ETV1: variants seen among roughly 807,000 people sequenced by gnomAD.
ETV1 encodes the protein ETS variant transcription factor 1, also known as ETS translocation variant 1.
In ETV1, 27 loss-of-function variants were observed where a neutral mutation model predicts 62.3. That is an observed-to-expected ratio of 0.43 (90% CI 0.32 to 0.60). The LOEUF is 0.60. Among genes scored for constraint, ETV1 ranks in the 20% least tolerant of loss-of-function variants. ETV1 has a pLI of 0.06. For synonymous variants in ETV1, 222 were observed against 199.6 expected (o/e 1.11, Z -0.94); for missense variants, 605 against 605.8 (o/e 1.00, Z 0.01).
At chr7:13,902,894 C>T (rs978042040) in intron 12 of ETV1, among the ~76,000 whole-genome samples, 2 of 152,094 alleles carry the variant, frequency 1.3e-5, no homozygotes, top group Non-Finnish European at 2.9e-5. Flanking sequence ...TATTAGTGGA[C>T]ATTTAAAAAC....
intron 6 of ETV1, among the ~76,000 whole-genome samples, chr7:13,960,130 C>T (rs995291766): frequency 6.6e-6 from 1 of 151,988 alleles, no homozygotes; most frequent in Non-Finnish European, 1.5e-5. Context: ...ACGGTGTTCA[C>T]CTCTTAGAGA....
chr7:13,907,947 A>T (rs1162437201), intron 11 of ETV1: 26 of 389,766 alleles, frequency 6.7e-5, no homozygotes, highest in South Asian at 5.1e-4. Context: ...GTGTATCTTC[A>T]TATCGATTTC....
chr7:13,959,927 C>CT lies in ETV1; in HGVS notation c.235+17499dup, dbSNP rs564270930. 7.5e-4 allele frequency among the ~76,000 whole-genome samples: 104 copies of CT among 138,024 alleles called. No individual in the cohort carries two copies. The Middle Eastern group carries it at 0.012, about 15-fold the overall frequency. The allele number at this position is 138,024 out of a possible 152,430, so 90.5% of individuals were successfully genotyped here. A position where few individuals can be genotyped will look rare whatever the true frequency, so the allele number is the denominator to read the frequency against. ...AAAAAAAAGATCTATTCTCTGGAACCTTTTTTTTTTTAAATTGGGAGCCAT... is the reference window on the plus strand; with the variant it reads ...AAAAAAAAGATCTATTCTCTGGAACCTTTTTTTTTTTTAAATTGGGAGCCAT... On this transcript the variant is annotated intron_variant, in intron 6 of 13. Coordinates refer to ENST00000430479, the MANE Select transcript of ETV1 (RefSeq NM_004956.5).
At chr7:13,940,657 G>A (rs1256230175) in intron 6 of ETV1, among the ~76,000 whole-genome samples, 7 of 152,054 alleles carry the variant, frequency 4.6e-5, no homozygotes, top group Admixed American at 1.3e-4. Flanking sequence ...TGTTAAGTCC[G>A]CTTTCCAAAA....
At chr7:13,957,454 C>G (rs1016783605) in intron 6 of ETV1, among the ~76,000 whole-genome samples, 2 of 152,138 alleles carry the variant, frequency 1.3e-5, no homozygotes, top group Non-Finnish European at 2.9e-5. Context: ...AATGTTTGCT[C>G]TAGATCACAA....
At chr7:13,929,113 G>A (rs373913217) in intron 9 of ETV1, among the ~76,000 whole-genome samples, 1 of 152,158 alleles carries the variant, frequency 6.6e-6, no homozygotes. Flanking sequence ...TTAAAATGTG[G>A]TTTGGGGAAT....
At chr7:13,979,204 T>G (rs1781744586) in intron 5 of ETV1, among the ~76,000 whole-genome samples, 1 of 151,966 alleles carries the variant, frequency 6.6e-6, no homozygotes, top group African/African-American at 2.4e-5. Flanking sequence ...GAAAATACAG[T>G]TTTTTGGTGA....
chr7:13,970,118 T>G (rs1416758636), intron 6 of ETV1, among the ~76,000 whole-genome samples: 4 of 150,126 alleles, frequency 2.7e-5, no homozygotes, highest in South Asian at 4.2e-4. Flanking sequence ...AAAATTAGCC[T>G]GGCGTGGTGG....
intron 5 of ETV1, among the ~76,000 whole-genome samples, chr7:13,984,681 C>G (rs1248753162): frequency 6.6e-6 from 1 of 151,912 alleles, no homozygotes; most frequent in Non-Finnish European, 1.5e-5. Flanking sequence ...ATATAAAACA[C>G]TCATGATTAA....
At position 13,900,846 on chromosome 7, in the gene ETV1, C is replaced by T. The variant is rs745764937; in HGVS notation, c.1111-7G>A. Reference sequence around the variant, plus strand: ...TGCCCCAACGTCGGGCCACCTGCCGCGAAACAGAATTACATTGTAGTGTTA... The same window carrying T: ...TGCCCCAACGTCGGGCCACCTGCCGTGAAACAGAATTACATTGTAGTGTTA... On this transcript the variant is annotated splice_polypyrimidine_tract_variant and splice_region_variant and intron_variant, in intron 12 of 13. Coordinates refer to ENST00000430479, the MANE Select transcript of ETV1 (RefSeq NM_004956.5). The T allele has an allele frequency of 4.7e-5, 75 of 1,582,760 alleles. No homozygotes were observed. The highest frequency in any genetic ancestry group is 2.4e-4 in the African/African-American group (18 of 74,416).
chr7:13,914,346 G>T (rs1409690868), intron 9 of ETV1, among the ~76,000 whole-genome samples: 5 of 152,022 alleles, frequency 3.3e-5, no homozygotes, highest in Non-Finnish European at 7.4e-5. Flanking sequence ...GGATCAAAAT[G>T]CTCTATGACA....
At chr7:13,974,594 C>T (rs1583863308) in intron 6 of ETV1, among the ~76,000 whole-genome samples, 1 of 152,142 alleles carries the variant, frequency 6.6e-6, no homozygotes, top group African/African-American at 2.4e-5. Context: ...TGAACTAAAA[C>T]AATGAAATAG....
At chr7:13,904,815 T>A (rs1315822183) in intron 12 of ETV1, among the ~76,000 whole-genome samples, 6 of 151,856 alleles carry the variant, frequency 4.0e-5, no homozygotes, top group Non-Finnish European at 7.4e-5. Context: ...GTTAAATGCT[T>A]CTAGTCTCAA....
intron 6 of ETV1, among the ~76,000 whole-genome samples, chr7:13,971,235 T>C (rs1780877003): frequency 6.6e-6 from 1 of 152,204 alleles, no homozygotes; most frequent in Non-Finnish European, 1.5e-5. Flanking sequence ...CCTCCCAAAG[T>C]GCTGGGACTA....
At chr7:13,926,196 T>C (rs966864047) in intron 9 of ETV1, among the ~76,000 whole-genome samples, 1 of 152,228 alleles carries the variant, frequency 6.6e-6, no homozygotes, top group Non-Finnish European at 1.5e-5. Context: ...AAACATTCAC[T>C]ATGCATCTTT....
chr7:13,932,360 C>G (rs1786287325), intron 8 of ETV1, among the ~76,000 whole-genome samples: 1 of 152,148 alleles, frequency 6.6e-6, no homozygotes, highest in African/African-American at 2.4e-5. Flanking sequence ...AGGACTCAAA[C>G]CCAAGCCGGT....
intron 5 of ETV1, chr7:13,986,335 T>C: frequency 6.7e-7 from 1 of 1,490,886 alleles, no homozygotes. Flanking sequence ...ACCTGATCAA[T>C]TGCAATTAAA....
At chr7:13,933,919 C>T (rs891247754) in intron 8 of ETV1, among the ~76,000 whole-genome samples, 1 of 152,234 alleles carries the variant, frequency 6.6e-6, no homozygotes, top group Non-Finnish European at 1.5e-5. Flanking sequence ...AAACCAGGCA[C>T]ACTGCTTATT....
chr7:13,986,789 C>A, intron 4 of ETV1, 104 bp from the exon 5 acceptor site: 2 of 852,712 alleles, frequency 2.3e-6, no homozygotes, highest in Non-Finnish European at 1.8e-6. Context: ...AATTTAATTT[C>A]AAGAGACGCA....
Sources: allele counts gnomAD v4.1 joint callset (sites outside exome capture counted in the v4.1 genomes callset), GRCh38; gene constraint gnomAD v4.1.1; transcripts MANE v1.5; gene names NCBI Gene and HGNC (gene_info 2026-07-23, HGNC 2026-07-21).